The following TENT4B variants were observed in gnomAD, a reference collection of about 807,000 sequenced individuals.
The protein encoded by TENT4B is PAP associated domain containing 5.
In TENT4B, 10 loss-of-function variants were observed where a neutral mutation model predicts 75.0. The observed-to-expected ratio is 0.13, with a 90% confidence interval of 0.08 to 0.23. The LOEUF is 0.23. Ranked by LOEUF, TENT4B falls within the 10% of genes least tolerant of loss-of-function variation. TENT4B has a pLI of 1.00. For missense variants in TENT4B, 579 were observed against 893.8 expected (o/e 0.65, Z 4.49); for synonymous variants, 350 against 357.7 (o/e 0.98, Z 0.24).
At chr16:50,180,892 T>A (rs751502128) in intron 1 of TENT4B, among the ~76,000 whole-genome samples, 8 of 152,140 alleles carry the variant, frequency 5.3e-5, no homozygotes. Context: ...CTGTTGGAAG[T>A]CCTCAAACTT....
chr16:50,185,962 G>A (rs1358020505), intron 1 of TENT4B, among the ~76,000 whole-genome samples: 2 of 151,980 alleles, frequency 1.3e-5, no homozygotes, highest in Admixed American at 1.3e-4. Flanking sequence ...TTTTAATTCT[G>A]TAGTGGTGTT....
chr16:50,193,231 A>G (rs760321240), intron 1 of TENT4B, among the ~76,000 whole-genome samples: 2 of 152,040 alleles, frequency 1.3e-5, no homozygotes, highest in South Asian at 4.1e-4. Flanking sequence ...TCTTTTAGAA[A>G]TACTTTGGAG....
intron 1 of TENT4B, among the ~76,000 whole-genome samples, chr16:50,203,321 T>TA (rs2030763176): frequency 6.6e-6 from 1 of 152,220 alleles, no homozygotes; most frequent in African/African-American, 2.4e-5. Flanking sequence ...TGTCCACAAA[T>TA]AGAGGAGAGA....
Position 50,153,826 on chromosome 16 carries a change from C to G in TENT4B, c.205C>G (p.Pro69Ala). 1 of 1,241,406 alleles carries G rather than the reference C, an allele frequency of 8.1e-7. No individual in the cohort carries two copies. The highest frequency in any genetic ancestry group is 1.0e-6 in the Non-Finnish European group (1 of 996,726). 76.9% of individuals were successfully genotyped at this position (1,241,406 alleles called of 1,614,324 possible). A position where few individuals can be genotyped will look rare whatever the true frequency, so the allele number is the denominator to read the frequency against. ...TGGSGSSTGSPGGAASAPAPA... is the reference protein window; with the variant it reads ...TGGSGSSTGSAGGAASAPAPA... ...CGGGAGCGGCAGCAGCACCGGCAGC[C>G]CCGGCGGCGCGGCCTCGGCCCCGGC... Residue 69 changes from proline (P) to alanine (A), a missense_variant, in exon 1 of 12, where the codon CCC becomes GCC. Pro to Ala is a conservative substitution (Grantham distance 27). Around this residue, in one of 7 missense-constraint regions of TENT4B, gnomAD observed 253 missense variants for 270.1 expected, o/e 0.94. Coordinates refer to ENST00000561678, the MANE Select transcript of TENT4B (RefSeq NM_001365324.3).
intron 1 of TENT4B, among the ~76,000 whole-genome samples, chr16:50,182,855 C>T (rs1295912692): frequency 7.3e-6 from 1 of 136,908 alleles, no homozygotes; most frequent in Admixed American, 7.8e-5. Context: ...ACTTTTAACA[C>T]TCAAGGTCTA....
At chr16:50,209,618 C>T (rs887169931) in intron 1 of TENT4B, among the ~76,000 whole-genome samples, 4 of 152,180 alleles carry the variant, frequency 2.6e-5, no homozygotes, top group African/African-American at 7.2e-5. Flanking sequence ...AAATCATCCT[C>T]TACGAAAGGC....
In TENT4B at chr16:50,234,903, T is replaced by G; in HGVS notation, c.*5575T>G. The stretch of plus-strand genomic sequence containing the variant: ...CAGTATTTGTTTTTAGTAACCTTTT[T>G]ATGTATTTCCTTCTTTGATTAGCAT... On this transcript the variant is annotated 3_prime_UTR_variant, in exon 12 of 12. Transcript: ENST00000561678. 1.0e-6 allele frequency: 1 copy of G among 985,802 alleles called. No individual in the cohort carries two copies. The highest frequency in any genetic ancestry group is 1.2e-6 in the Non-Finnish European group (1 of 829,856). 61.1% of individuals were successfully genotyped at this position (985,802 alleles called of 1,614,324 possible).
chr16:50,153,044 C>G, upstream of TENT4B: 1 of 1,506,828 alleles, frequency 6.6e-7, no homozygotes, highest in South Asian at 1.2e-5. Context: ...TACGTGGGAG[C>G]ACTCCACAGA....
chr16:50,206,724 T>C (rs528503371), intron 1 of TENT4B, among the ~76,000 whole-genome samples: 3 of 152,232 alleles, frequency 2.0e-5, no homozygotes, highest in African/African-American at 7.2e-5. Context: ...GTTTTGAGAA[T>C]GCAGAAGCTA....
intron 7 of TENT4B, among the ~76,000 whole-genome samples, chr16:50,224,287 A>G (rs1032534940): frequency 4.6e-5 from 7 of 152,204 alleles, no homozygotes; most frequent in African/African-American, 1.7e-4. Context: ...CATAATTTAG[A>G]GTGAGAAATA....
chr16:50,155,272 GGTGTGTGT>G (rs60683678), intron 1 of TENT4B, among the ~76,000 whole-genome samples: 202 of 135,474 alleles, frequency 1.5e-3, no homozygotes, highest in East Asian at 7.6e-3. Context: ...GGGTCTCGTG[GGTGTGTGT>G]GTGTGTGTGT....
At chr16:50,222,458 C>A in intron 6 of TENT4B, 24 bp downstream of exon 6, 1 of 1,601,768 alleles carries the variant, frequency 6.2e-7, no homozygotes, top group Non-Finnish European at 8.5e-7. Context: ...GTATAGCATG[C>A]TAGTGCACAC....
intron 1 of TENT4B, among the ~76,000 whole-genome samples, chr16:50,174,532 C>A (rs773991590): frequency 1.3e-5 from 2 of 152,158 alleles, no homozygotes; most frequent in African/African-American, 4.8e-5. Context: ...TGGATCAAAT[C>A]AAGGTAATTA....
intron 7 of TENT4B, among the ~76,000 whole-genome samples, chr16:50,224,156 A>G (rs2031944631): frequency 6.6e-6 from 1 of 152,202 alleles, no homozygotes; most frequent in Admixed American, 6.5e-5. Flanking sequence ...AAACATTAAT[A>G]GTTCTATGTG....
chr16:50,211,943 A>G (rs1045463791), intron 2 of TENT4B, among the ~76,000 whole-genome samples: 4 of 152,090 alleles, frequency 2.6e-5, no homozygotes, highest in African/African-American at 9.7e-5. Flanking sequence ...TGAAATTGCC[A>G]TTTTTCATCT....
rs1555513177 is a variant in TENT4B, at chr16:50,230,316, AAG to A, written c.*989_*990del. The stretch of plus-strand genomic sequence containing the variant: ...TCCTAATAGGAAAAAAAAAAAAAAA[AAG>A]GTCACCCATGTCTGGTCTCATTCCT... On this transcript the variant is annotated 3_prime_UTR_variant, in exon 12 of 12. Transcript: ENST00000561678. The A allele has an allele frequency of 2.0e-6, 2 of 984,144 alleles. No individual in the cohort carries two copies. Among genetic ancestry groups the A allele is most frequent in the East Asian group, 2.3e-4 (2 of 8,788 alleles). The allele number at this position is 984,144 out of a possible 1,614,324, so 61.0% of individuals were successfully genotyped here.
chr16:50,153,818 C>G lies in TENT4B; in HGVS notation c.197C>G (p.Thr66Ser). Residue 66 changes from threonine to serine, a missense_variant, in exon 1 of 12, where the codon ACC becomes AGC. Thr to Ser is a moderately conservative substitution (Grantham distance 58). This residue lies in a region of TENT4B where 253 missense variants were observed against 270.1 expected (regional missense o/e 0.94). Coordinates refer to ENST00000561678, the MANE Select transcript of TENT4B (RefSeq NM_001365324.3). Reference protein sequence around the residue: ...STATGGSGSSTGSPGGAASAP... With the variant: ...STATGGSGSSSGSPGGAASAP... Reference sequence around the variant, plus strand: ...GCCACCGGCGGGAGCGGCAGCAGCACCGGCAGCCCCGGCGGCGCGGCCTCG... The same window carrying G: ...GCCACCGGCGGGAGCGGCAGCAGCAGCGGCAGCCCCGGCGGCGCGGCCTCG... 1 of 1,228,112 alleles carries G rather than the reference C, an allele frequency of 8.1e-7. No homozygotes were observed. The highest frequency in any genetic ancestry group is 1.0e-6 in the Non-Finnish European group (1 of 988,298). The allele number at this position is 1,228,112 out of a possible 1,614,324, so 76.1% of individuals were successfully genotyped here.
At chr16:50,223,551 A>G (rs1690754289) in intron 7 of TENT4B, among the ~76,000 whole-genome samples, 164 bp downstream of exon 7, 1 of 152,240 alleles carries the variant, frequency 6.6e-6, no homozygotes, top group Non-Finnish European at 1.5e-5. Context: ...ATAAACAGAC[A>G]CAGACAATAG....
At chr16:50,152,944 G>A, upstream of TENT4B, 1 of 1,504,150 alleles carries the variant, frequency 6.6e-7, no homozygotes, top group Non-Finnish European at 8.8e-7. Flanking sequence ...GGGGCGGGCG[G>A]CAACCTCCAT....
Sources: allele counts gnomAD v4.1 joint callset (sites outside exome capture counted in the v4.1 genomes callset), GRCh38; gene constraint gnomAD v4.1.1; regional missense constraint gnomAD v4.1.1; transcripts MANE v1.5; gene names NCBI Gene and HGNC (gene_info 2026-07-23, HGNC 2026-07-21).